The following DPYD variants were observed in gnomAD, a reference collection of about 807,000 sequenced individuals.
DPYD encodes dihydropyrimidine dehydrogenase [NADP(+)].
A neutral mutation model predicts 116.2 loss-of-function variants in DPYD; 109 were observed. The ratio of observed to expected loss-of-function variants is 0.94; its 90% CI spans 0.80 to 1.10. The LOEUF (loss-of-function observed/expected upper bound fraction) is 1.10. DPYD is among the 50% of genes least tolerant of loss of function. The probability of loss-of-function intolerance (pLI) is 0.00; values close to 1 mark genes in which losing one functional copy is unlikely to be tolerated. For synonymous variants in DPYD, 440 were observed against 432.0 expected (o/e 1.02, Z -0.23); for missense variants, 1,302 against 1,254.5 (o/e 1.04, Z -0.57).
intron 14 of DPYD, among the ~76,000 whole-genome samples, chr1:97,442,224 C>T (rs1353359123): frequency 6.6e-6 from 1 of 151,834 alleles, no homozygotes; most frequent in Non-Finnish European, 1.5e-5. Flanking sequence ...TGGGGCAAGT[C>T]CTTTGTTTTC....
intron 18 of DPYD, among the ~76,000 whole-genome samples, chr1:97,257,836 C>A (rs1031945784): frequency 1.3e-5 from 2 of 151,976 alleles, no homozygotes; most frequent in Non-Finnish European, 2.9e-5. Context: ...GAAATGTACA[C>A]TCTAGCTAAA....
chr1:97,180,445 G>A (rs1047628524), intron 20 of DPYD, among the ~76,000 whole-genome samples: 1 of 152,058 alleles, frequency 6.6e-6, no homozygotes, highest in Non-Finnish European at 1.5e-5. Flanking sequence ...TGAGGATTGG[G>A]AACAAAGCTA....
intron 3 of DPYD, among the ~76,000 whole-genome samples, chr1:97,748,163 G>A (rs1304577032): frequency 2.0e-5 from 3 of 152,106 alleles, no homozygotes; most frequent in East Asian, 1.9e-4. Flanking sequence ...TCAGAAGAAG[G>A]AAAAGTTATT....
At chr1:97,397,626 C>T (rs977201287) in intron 14 of DPYD, among the ~76,000 whole-genome samples, 1 of 152,028 alleles carries the variant, frequency 6.6e-6, no homozygotes, top group African/African-American at 2.4e-5. Context: ...CAGTATATAG[C>T]TTTTTCATTA....
At chr1:97,823,460 G>C (rs1231774156) in intron 3 of DPYD, among the ~76,000 whole-genome samples, 1 of 152,054 alleles carries the variant, frequency 6.6e-6, no homozygotes, top group African/African-American at 2.4e-5. Flanking sequence ...ACCTTACTGT[G>C]CTATAGAACA....
chr1:97,536,596 T>A (rs1389990165), intron 12 of DPYD, among the ~76,000 whole-genome samples: 1 of 152,252 alleles, frequency 6.6e-6, no homozygotes, highest in East Asian at 1.9e-4. Flanking sequence ...ATTTTTATTC[T>A]TTAAGTGCAA....
intron 18 of DPYD, among the ~76,000 whole-genome samples, chr1:97,252,510 T>C (rs1663167451): frequency 6.6e-6 from 1 of 152,340 alleles, no homozygotes; most frequent in East Asian, 1.9e-4. Flanking sequence ...AAATTGTGTA[T>C]AATAATTCCA....
chr1:97,229,224 A>G (rs1171485019), intron 19 of DPYD, among the ~76,000 whole-genome samples: 1 of 147,848 alleles, frequency 6.8e-6, no homozygotes, highest in Non-Finnish European at 1.5e-5. Context: ...AAAAAAGAAA[A>G]AAAAAAAAGA....
At chr1:97,111,699 T>C (rs560104458) in intron 20 of DPYD, among the ~76,000 whole-genome samples, 42 of 152,186 alleles carry the variant, frequency 2.8e-4, no homozygotes, top group African/African-American at 9.4e-4. Context: ...CTCTAAAAGG[T>C]ACTAGATTAA....
At chr1:97,330,343 C>T (rs933326659) in intron 16 of DPYD, among the ~76,000 whole-genome samples, 1 of 152,072 alleles carries the variant, frequency 6.6e-6, no homozygotes, top group African/African-American at 2.4e-5. Context: ...TGCATAATAA[C>T]TAAAGTATGT....
chr1:97,885,092 A>G (rs188398477), intron 1 of DPYD, among the ~76,000 whole-genome samples: 17 of 152,178 alleles, frequency 1.1e-4, no homozygotes, highest in African/African-American at 4.1e-4. Context: ...TCCTCTGTCC[A>G]TGATTTGTTC....
intron 8 of DPYD, among the ~76,000 whole-genome samples, chr1:97,631,214 C>T (rs765847070): frequency 2.0e-5 from 3 of 152,018 alleles, no homozygotes; most frequent in Non-Finnish European, 2.9e-5. Context: ...TTCTGTTTGG[C>T]CACTGCAAGC....
intron 18 of DPYD, among the ~76,000 whole-genome samples, chr1:97,279,041 G>A (rs1037612349): frequency 2.6e-5 from 4 of 151,970 alleles, no homozygotes; most frequent in African/African-American, 7.2e-5. Flanking sequence ...TTCAGGTGAC[G>A]GACATGCAGA....
intron 20 of DPYD, among the ~76,000 whole-genome samples, chr1:97,151,936 T>C (rs1454064426): frequency 2.0e-5 from 3 of 152,342 alleles, no homozygotes; most frequent in East Asian, 3.9e-4. Context: ...TAGTATATTA[T>C]CTGAATTTGT....
chr1:97,858,110 C>T (rs1255912165), intron 2 of DPYD, among the ~76,000 whole-genome samples: 4 of 152,130 alleles, frequency 2.6e-5, no homozygotes, highest in South Asian at 2.1e-4. Context: ...ATGCTTTTCT[C>T]GTCTCTTTAC....
intron 20 of DPYD, among the ~76,000 whole-genome samples, chr1:97,192,048 T>C (rs2101821567): frequency 6.6e-6 from 1 of 152,230 alleles, no homozygotes; most frequent in East Asian, 1.9e-4. Flanking sequence ...TAAGATTTTA[T>C]TTCTTTCCTC....
At chr1:97,824,777 C>T (rs1460739630) in intron 3 of DPYD, among the ~76,000 whole-genome samples, 7 of 152,168 alleles carry the variant, frequency 4.6e-5, no homozygotes, top group Non-Finnish European at 5.9e-5. Flanking sequence ...TTTTCTGGCA[C>T]GTATTTTCCT....
At chr1:97,369,512 G>T (rs1671206582) in intron 16 of DPYD, among the ~76,000 whole-genome samples, 1 of 152,144 alleles carries the variant, frequency 6.6e-6, no homozygotes, top group African/African-American at 2.4e-5. Flanking sequence ...AAATCAAAGT[G>T]CAGGTCTAGA....
chr1:97,265,078 T>A (rs1420962100), intron 18 of DPYD, among the ~76,000 whole-genome samples: 1 of 152,176 alleles, frequency 6.6e-6, no homozygotes, highest in East Asian at 1.9e-4. Flanking sequence ...CTGGGAATCC[T>A]CGTTATAAAT....
Sources: allele counts gnomAD v4.1 joint callset (sites outside exome capture counted in the v4.1 genomes callset), GRCh38; gene constraint gnomAD v4.1.1; transcripts MANE v1.5; gene names NCBI Gene and HGNC (gene_info 2026-07-23, HGNC 2026-07-21).